PDE4D: variants seen among roughly 807,000 people sequenced by gnomAD.
PDE4D encodes phosphodiesterase 4D.
Under a neutral mutation model 87.4 loss-of-function variants are expected in PDE4D, and 24 were observed. The ratio of observed to expected loss-of-function variants is 0.27; its 90% confidence interval spans 0.20 to 0.39. The LOEUF (loss-of-function observed/expected upper bound fraction) is 0.39. Ranked by LOEUF, PDE4D falls within the 10% of genes least tolerant of loss-of-function variation. PDE4D has a pLI of 1.00. For missense variants in PDE4D, 714 were observed against 1,041.0 expected (o/e 0.69, Z 4.32); for synonymous variants, 384 against 383.2 (o/e 1.00, Z -0.02).
chr5:60,214,376 C>A (rs1470378368), intron 1 of PDE4D, among the ~76,000 whole-genome samples: 1 of 152,122 alleles, frequency 6.6e-6, no homozygotes, highest in African/African-American at 2.4e-5. Flanking sequence ...GTGTTATCTT[C>A]AATACTTTCT....
intron 1 of PDE4D, among the ~76,000 whole-genome samples, chr5:59,336,886 A>G (rs146043709): frequency 2.0e-5 from 3 of 152,336 alleles, no homozygotes; most frequent in Non-Finnish European, 4.4e-5. Flanking sequence ...CACAAGACAT[A>G]GCCCTGTTAG....
intron 1 of PDE4D, among the ~76,000 whole-genome samples, chr5:59,228,201 A>G (rs184558649): frequency 6.6e-6 from 1 of 152,264 alleles, no homozygotes; most frequent in East Asian, 1.9e-4. Flanking sequence ...TAACCAAATA[A>G]TGAGAACACA....
At chr5:59,629,332 G>A (rs995044340) in intron 1 of PDE4D, among the ~76,000 whole-genome samples, 1 of 152,000 alleles carries the variant, frequency 6.6e-6, no homozygotes, top group Admixed American at 6.6e-5. Context: ...GTTAAGATGA[G>A]GTCATATAGG....
At chr5:59,519,043 CT>C (rs1446415999) in intron 1 of PDE4D, among the ~76,000 whole-genome samples, 1 of 152,194 alleles carries the variant, frequency 6.6e-6, no homozygotes, top group Non-Finnish European at 1.5e-5. Flanking sequence ...ATGAGACTTT[CT>C]GCTGTCCTTC....
At chr5:59,322,305 C>T (rs1156973207) in intron 1 of PDE4D, among the ~76,000 whole-genome samples, 3 of 152,038 alleles carry the variant, frequency 2.0e-5, no homozygotes, top group Non-Finnish European at 4.4e-5. Flanking sequence ...GAACATAAAC[C>T]TCTAGAGGAA....
At chr5:60,201,488 G>A (rs1741899345) in intron 1 of PDE4D, among the ~76,000 whole-genome samples, 3 of 152,016 alleles carry the variant, frequency 2.0e-5, no homozygotes, top group South Asian at 2.1e-4. Flanking sequence ...GAAAGCATGT[G>A]CAATTCCAAT....
At chr5:59,179,964 G>C (rs1281399437) in intron 5 of PDE4D, among the ~76,000 whole-genome samples, 1 of 152,110 alleles carries the variant, frequency 6.6e-6, no homozygotes, top group South Asian at 2.1e-4. Flanking sequence ...AGACTAATAG[G>C]AATTGAGATA....
intron 1 of PDE4D, among the ~76,000 whole-genome samples, chr5:59,832,747 A>G (rs1161953048): frequency 1.3e-5 from 2 of 152,072 alleles, no homozygotes; most frequent in South Asian, 2.1e-4. Flanking sequence ...TGGATTGGCT[A>G]TCAAGGGACT....
intron 1 of PDE4D, among the ~76,000 whole-genome samples, chr5:59,257,211 A>G (rs1761141949): frequency 1.3e-5 from 2 of 152,164 alleles, no homozygotes; most frequent in South Asian, 2.1e-4. Context: ...ACATGAGGAA[A>G]ATGATCGTGG....
At chr5:59,439,803 T>C (rs1456000579) in intron 1 of PDE4D, among the ~76,000 whole-genome samples, 1 of 152,202 alleles carries the variant, frequency 6.6e-6, no homozygotes, top group Non-Finnish European at 1.5e-5. Flanking sequence ...CTGGTCTTCC[T>C]GTGATGACTG....
At chr5:59,174,791 GA>G (rs1783567032) in intron 5 of PDE4D, among the ~76,000 whole-genome samples, 1 of 152,056 alleles carries the variant, frequency 6.6e-6, no homozygotes, top group Non-Finnish European at 1.5e-5. Flanking sequence ...CCATGGACTC[GA>G]AAAAGGAACC....
chr5:59,011,143 T>A (rs1440235274), intron 6 of PDE4D, among the ~76,000 whole-genome samples: 1 of 152,164 alleles, frequency 6.6e-6, no homozygotes, highest in East Asian at 1.9e-4. Flanking sequence ...CATATGTACG[T>A]CACCATCATC....
At chr5:59,547,839 G>A (rs1337930745) in intron 1 of PDE4D, among the ~76,000 whole-genome samples, 2 of 152,126 alleles carry the variant, frequency 1.3e-5, no homozygotes, top group East Asian at 1.9e-4. Context: ...GGGACACACA[G>A]AGGCCTGGTC....
chr5:59,967,567 G>C (rs138649162), intron 3 of PDE4D, among the ~76,000 whole-genome samples: 2 of 152,120 alleles, frequency 1.3e-5, no homozygotes, highest in African/African-American at 4.8e-5. Context: ...TCTCACACCA[G>C]TCAGGATGGC....
At chr5:59,259,276 C>T (rs2153534342) in intron 1 of PDE4D, among the ~76,000 whole-genome samples, 1 of 151,866 alleles carries the variant, frequency 6.6e-6, no homozygotes, top group South Asian at 2.1e-4. Context: ...GGTAGCTTTT[C>T]CCCCTTGTCC....
chr5:59,448,144 G>A (rs760685670), intron 1 of PDE4D, among the ~76,000 whole-genome samples: 3 of 152,168 alleles, frequency 2.0e-5, no homozygotes, highest in Admixed American at 6.5e-5. Context: ...GCTGACACAC[G>A]GATGTTGAGC....
chr5:60,432,767 A>G (rs1004702714), intron 1 of PDE4D, among the ~76,000 whole-genome samples: 13 of 152,190 alleles, frequency 8.5e-5, no homozygotes, highest in African/African-American at 3.1e-4. Context: ...GAGCCCAGAT[A>G]TAAACCCACA....
intron 1 of PDE4D, among the ~76,000 whole-genome samples, chr5:59,420,689 G>GA (rs55960957): frequency 0.14 from 17,135 of 121,946 alleles, 1,199 homozygotes; most frequent in Admixed American, 0.18. Context: ...TACTGCACAA[G>GA]AAAAAAAAAA....
chr5:60,495,794 C>T (rs1027461024), intron 1 of PDE4D, among the ~76,000 whole-genome samples: 2 of 152,190 alleles, frequency 1.3e-5, no homozygotes, highest in African/African-American at 2.4e-5. Context: ...CCTAATTATC[C>T]CCTATTCCAC....
Sources: allele counts gnomAD v4.1 joint callset (sites outside exome capture counted in the v4.1 genomes callset), GRCh38; gene constraint gnomAD v4.1.1; transcripts MANE v1.5; gene names NCBI Gene and HGNC (gene_info 2026-07-23, HGNC 2026-07-21).